Variants in SLC12A6 observed in about 807,000 individuals in gnomAD.
The protein encoded by SLC12A6 is K-Cl cotransporter 3.
SLC12A6 carries 66 observed loss-of-function variants against 135.3 expected under a neutral mutation model. That is an observed-to-expected ratio of 0.49 (90% CI 0.40 to 0.60). SLC12A6 has a LOEUF of 0.60. Among genes scored for constraint, SLC12A6 ranks in the 20% least tolerant of loss-of-function variants. SLC12A6 has a pLI of 0.00. For missense variants in SLC12A6, 1,058 were observed against 1,452.3 expected (o/e 0.73, Z 4.41); for synonymous variants, 513 against 508.8 (o/e 1.01, Z -0.11).
At chr15:34,300,084 T>C (rs1370117059) in intron 2 of SLC12A6, among the ~76,000 whole-genome samples, 1 of 151,980 alleles carries the variant, frequency 6.6e-6, no homozygotes, top group Non-Finnish European at 1.5e-5. Flanking sequence ...TATTGTAATA[T>C]ATCAAGGGGG....
At chr15:34,296,692 G>C (rs1462456938) in intron 2 of SLC12A6, among the ~76,000 whole-genome samples, 2 of 152,204 alleles carry the variant, frequency 1.3e-5, no homozygotes, top group Non-Finnish European at 2.9e-5. Flanking sequence ...TAATGCAGCA[G>C]AGTTCACAAA....
chr15:34,270,451 G>A (rs552167646), intron 3 of SLC12A6, among the ~76,000 whole-genome samples: 1 of 152,170 alleles, frequency 6.6e-6, no homozygotes, highest in Non-Finnish European at 1.5e-5. Flanking sequence ...GGTTTTTACT[G>A]TATTAGCCCT....
chr15:34,229,891 TAAA>T lies in SLC12A6; in HGVS notation c.*3987_*3989del. 1.8e-6 allele frequency: 2 copies of T among 1,111,202 alleles called. No individual in the cohort carries two copies. Among genetic ancestry groups the T allele is most frequent in the Non-Finnish European group, 2.7e-6 (2 of 729,560 alleles). 68.8% of individuals were successfully genotyped at this position (1,111,202 alleles called of 1,614,324 possible). A position where few individuals can be genotyped will look rare whatever the true frequency, so the allele number is the denominator to read the frequency against. ...ATACTCTTAAACTAATCACTTATGT[TAAA>T]AAGAACCAAAAGACTCTTTTCTCCA... On this transcript the variant is annotated 3_prime_UTR_variant, in exon 26 of 26. Transcript: ENST00000354181.
chr15:34,328,126 A>C (rs997973600), intron 2 of SLC12A6, among the ~76,000 whole-genome samples: 2 of 123,056 alleles, frequency 1.6e-5, no homozygotes, highest in Admixed American at 7.4e-5. Flanking sequence ...AAAAAAAAAA[A>C]GACTAAAATT....
At chr15:34,269,815 C>A (rs1463390589) in intron 3 of SLC12A6, among the ~76,000 whole-genome samples, 2 of 151,940 alleles carry the variant, frequency 1.3e-5, no homozygotes, top group African/African-American at 4.8e-5. Flanking sequence ...AACTACTTCA[C>A]AGTGGTATTA....
chr15:34,292,142 G>A (rs552611928), intron 2 of SLC12A6, among the ~76,000 whole-genome samples: 1 of 152,148 alleles, frequency 6.6e-6, no homozygotes, highest in Non-Finnish European at 1.5e-5. Context: ...TTTAGTCTTT[G>A]ATGTTGGTGA....
At chr15:34,252,808 A>C (rs1892485985) in intron 9 of SLC12A6, among the ~76,000 whole-genome samples, 1 of 152,200 alleles carries the variant, frequency 6.6e-6, no homozygotes, top group African/African-American at 2.4e-5. Context: ...AAGAATACTG[A>C]AGTCCTTTTG....
intron 2 of SLC12A6, among the ~76,000 whole-genome samples, chr15:34,302,029 T>G (rs1230549731): frequency 1.3e-5 from 2 of 152,232 alleles, no homozygotes; most frequent in African/African-American, 2.4e-5. Context: ...TAAGTTGTGT[T>G]GAAATTCTTC....
At chr15:34,326,471 CA>C (rs1036342353) in intron 2 of SLC12A6, among the ~76,000 whole-genome samples, 9 of 152,102 alleles carry the variant, frequency 5.9e-5, no homozygotes, top group Non-Finnish European at 1.3e-4. Flanking sequence ...CAATCCAAAA[CA>C]AAATTTTTTA....
At chr15:34,323,670 T>C (rs1889272663) in intron 2 of SLC12A6, among the ~76,000 whole-genome samples, 1 of 152,112 alleles carries the variant, frequency 6.6e-6, no homozygotes, top group Admixed American at 6.6e-5. Context: ...ACTGTTGGCA[T>C]CCAGGCATGG....
rs367819419 is a variant in SLC12A6 at position 34,335,072 on chromosome 15, T to C, written c.271+1338A>G. On this transcript the variant is annotated intron_variant, in intron 2 of 25. Coordinates refer to ENST00000354181, the MANE Select transcript of SLC12A6 (RefSeq NM_001365088.1). ...GAATTTTTACAACCTAAATACAGCA[T>C]GATGGATAAAAACTAAAACCACAAT... 5.9e-5 allele frequency among the ~76,000 whole-genome samples: 9 copies of C among 152,332 alleles called. No homozygotes were observed. The East Asian group carries it at 1.7e-3, about 29-fold the overall frequency.
At chr15:34,307,142 G>A (rs2141043372) in intron 2 of SLC12A6, among the ~76,000 whole-genome samples, 1 of 152,192 alleles carries the variant, frequency 6.6e-6, no homozygotes, top group South Asian at 2.1e-4. Context: ...ACACCTTAAA[G>A]ATGTACAGTT....
At chr15:34,241,384 TATAATTTTAAAAA>T in intron 17 of SLC12A6, 47 bp from the exon 18 acceptor site, 1 of 1,011,082 alleles carries the variant, frequency 9.9e-7, no homozygotes, top group Non-Finnish European at 1.5e-6. Context: ...CTATAGTAAG[TATAATTTTAAAAA>T]ATAAAGTTTT....
intron 3 of SLC12A6, 47 bp from the exon 4 acceptor site, chr15:34,261,067 C>G: frequency 1.1e-6 from 1 of 947,902 alleles, no homozygotes; most frequent in East Asian, 2.4e-5. Flanking sequence ...TGGTTTCTGA[C>G]GAAGAAACAT....
At chr15:34,288,941 T>C (rs1242350148) in intron 2 of SLC12A6, among the ~76,000 whole-genome samples, 1 of 152,206 alleles carries the variant, frequency 6.6e-6, no homozygotes, top group Non-Finnish European at 1.5e-5. Flanking sequence ...CAGAGACAAT[T>C]TGACTTCCTC....
intron 2 of SLC12A6, among the ~76,000 whole-genome samples, chr15:34,280,054 A>C (rs1894571705): frequency 6.6e-6 from 1 of 152,216 alleles, no homozygotes; most frequent in African/African-American, 2.4e-5. Context: ...CTCACTTGCA[A>C]AACTGCCTCT....
intron 2 of SLC12A6, among the ~76,000 whole-genome samples, chr15:34,281,390 C>G (rs774472443): frequency 1.3e-5 from 2 of 152,034 alleles, no homozygotes; most frequent in Non-Finnish European, 2.9e-5. Flanking sequence ...ACAAGTTGAA[C>G]TAAGTCAAAA....
chr15:34,244,153 A>AT, intron 15 of SLC12A6, 81 bp from the exon 16 acceptor site: 1 of 858,138 alleles, frequency 1.2e-6, no homozygotes, highest in Non-Finnish European at 2.0e-6. Flanking sequence ...CCTTTGCTGT[A>AT]TTGAAGCCTG....
intron 10 of SLC12A6, among the ~76,000 whole-genome samples, chr15:34,251,331 T>C (rs1055757860): frequency 2.0e-5 from 3 of 152,156 alleles, no homozygotes; most frequent in African/African-American, 7.2e-5. Context: ...CACTGCAAGC[T>C]CTGCCTCCCA....
Sources: gnomAD v4.1 joint callset for allele counts (sites outside exome capture counted in the v4.1 genomes callset) on GRCh38, gnomAD v4.1.1 for gene constraint, MANE v1.5 for transcripts, NCBI Gene and HGNC (gene_info 2026-07-23, HGNC 2026-07-21) for gene names.